Variants in GPC6 observed in about 807,000 individuals in gnomAD.
The protein encoded by GPC6 is glypican-6.
Under a neutral mutation model 55.2 loss-of-function variants are expected in GPC6, and 14 were observed. The observed-to-expected ratio is 0.25, with a 90% CI of 0.17 to 0.40. The LOEUF (loss-of-function observed/expected upper bound fraction) is 0.40, where lower values mean the gene tolerates loss of function less well. GPC6 is among the 10% of genes least tolerant of loss of function. GPC6 has a pLI of 1.00. For synonymous variants in GPC6, 278 were observed against 259.6 expected, an observed-to-expected ratio of 1.07 and a Z score of -0.68; for missense variants, 641 against 708.5, an observed-to-expected ratio of 0.90 and a Z score of 1.08.
intron 4 of GPC6, among the ~76,000 whole-genome samples, chr13:94,258,261 G>A (rs557230146): frequency 6.6e-6 from 1 of 152,280 alleles, no homozygotes; most frequent in South Asian, 2.1e-4. Flanking sequence ...TTCTGACCAC[G>A]GAACAACTCC....
At chr13:93,808,152 C>G (rs951811315) in intron 2 of GPC6, among the ~76,000 whole-genome samples, 1 of 152,124 alleles carries the variant, frequency 6.6e-6, no homozygotes, top group African/African-American at 2.4e-5. Flanking sequence ...TTTTATTCAG[C>G]AAAGACTAGA....
At chr13:94,385,467 A>G (rs1478588044) in intron 7 of GPC6, among the ~76,000 whole-genome samples, 1 of 152,236 alleles carries the variant, frequency 6.6e-6, no homozygotes, top group Admixed American at 6.5e-5. Context: ...AAAATGATCC[A>G]GTTTAATGCA....
chr13:93,639,141 A>G (rs1879810866), intron 2 of GPC6, among the ~76,000 whole-genome samples: 1 of 152,142 alleles, frequency 6.6e-6, no homozygotes, highest in Non-Finnish European at 1.5e-5. Context: ...AAATAAAGCA[A>G]GGAGGGGTAA....
At chr13:93,472,699 T>C (rs979864155) in intron 1 of GPC6, among the ~76,000 whole-genome samples, 2 of 152,218 alleles carry the variant, frequency 1.3e-5, no homozygotes, top group African/African-American at 4.8e-5. Context: ...TTCTCTCCTC[T>C]CCTTCTCTTT....
At chr13:94,175,757 T>C (rs1888726187) in intron 4 of GPC6, among the ~76,000 whole-genome samples, 1 of 150,706 alleles carries the variant, frequency 6.6e-6, no homozygotes, top group Non-Finnish European at 1.5e-5. Context: ...ATAAGCATGA[T>C]ATTGAGCATC....
At chr13:94,186,538 C>T (rs1194479314) in intron 4 of GPC6, among the ~76,000 whole-genome samples, 1 of 152,108 alleles carries the variant, frequency 6.6e-6, no homozygotes, top group African/African-American at 2.4e-5. Context: ...TTTAGGGTCA[C>T]CGCAACAGAT....
chr13:93,704,775 A>G (rs1882788312), intron 2 of GPC6, among the ~76,000 whole-genome samples: 1 of 151,972 alleles, frequency 6.6e-6, no homozygotes, highest in Non-Finnish European at 1.5e-5. Context: ...ACAGCAGGAA[A>G]TGCTCAAATC....
rs201115783 is a variant in GPC6, at chr13:93,496,181, G to A, written c.161-49082G>A. Among the ~76,000 whole-genome samples the A allele has an allele frequency of 1.4e-4, 22 of 152,224 alleles. No individual in the cohort carries two copies. The East Asian group carries it at 2.1e-3, about 15-fold the overall frequency. ...CTGTGCTAGCAATCAGCGAGAGTCCGTGGGCGTAGGACCCTCCGAGCCAGG... is the reference window on the plus strand; with the variant it reads ...CTGTGCTAGCAATCAGCGAGAGTCCATGGGCGTAGGACCCTCCGAGCCAGG... On this transcript the variant is annotated intron_variant, in intron 1 of 8. Coordinates refer to ENST00000377047, the MANE Select transcript of GPC6 (RefSeq NM_005708.5).
intron 1 of GPC6, among the ~76,000 whole-genome samples, chr13:93,339,210 T>G (rs1440731135): frequency 6.6e-6 from 1 of 152,204 alleles, no homozygotes; most frequent in Non-Finnish European, 1.5e-5. Flanking sequence ...CTCTATCTGA[T>G]GGTCTTTAAA....
chr13:94,062,831 C>A (rs1348264311), intron 4 of GPC6, among the ~76,000 whole-genome samples: 1 of 152,120 alleles, frequency 6.6e-6, no homozygotes, highest in Non-Finnish European at 1.5e-5. Flanking sequence ...TCACTCAGTA[C>A]CTTACATATA....
In GPC6 at chr13:94,404,521, C is replaced by G. The variant is rs1204065430; in HGVS notation, c.*1304C>G. 1 of 152,132 alleles carries G rather than the reference C, an allele frequency of 6.6e-6. No individual in the cohort carries two copies. Among genetic ancestry groups the G allele is most frequent in the Non-Finnish European group, 1.5e-5 (1 of 68,010 alleles). The allele number at this position is 152,132 out of a possible 1,614,324, so 9.4% of individuals were successfully genotyped here. A position where few individuals can be genotyped will look rare whatever the true frequency, so the allele number is the denominator to read the frequency against. On this transcript the variant is annotated 3_prime_UTR_variant, in exon 9 of 9. Coordinates refer to ENST00000377047, the MANE Select transcript of GPC6 (RefSeq NM_005708.5). ...AAGGGATTCCTCAGTGATCGGTGAG[C>G]ACCAAGAATCAAGAAAGAGAACTTT...
rs187764510 is a variant in GPC6, at chr13:93,242,077, C to T, written c.160+14461C>T. On this transcript the variant is annotated intron_variant, in intron 1 of 8. Transcript: ENST00000377047. ...CTTATTTTATTCCTCTTGATGTGTA[C>T]TTTTTTCCCCAGTATTTTTTCAGTG... Among the ~76,000 whole-genome samples, 1,112 of 152,164 alleles carry T rather than the reference C, an allele frequency of 7.3e-3. 14 individuals are homozygous for T. The highest frequency in any genetic ancestry group is 0.025 in the African/African-American group (1,039 of 41,522).
intron 1 of GPC6, among the ~76,000 whole-genome samples, chr13:93,274,745 C>T (rs952737058): frequency 6.6e-6 from 1 of 152,098 alleles, no homozygotes; most frequent in Non-Finnish European, 1.5e-5. Flanking sequence ...TATGAAATAT[C>T]GCTTTCGTAA....
At chr13:94,386,263 G>T (rs529153387) in intron 7 of GPC6, among the ~76,000 whole-genome samples, 10 of 152,248 alleles carry the variant, frequency 6.6e-5, no homozygotes, top group African/African-American at 2.4e-4. Flanking sequence ...GGGAGGCTGA[G>T]GCAGGAGAAT....
intron 1 of GPC6, among the ~76,000 whole-genome samples, chr13:93,305,920 A>G (rs1210422133): frequency 1.3e-5 from 2 of 152,232 alleles, no homozygotes; most frequent in South Asian, 2.1e-4. Flanking sequence ...ACTATATTAG[A>G]AAATAAAATA....
intron 4 of GPC6, among the ~76,000 whole-genome samples, chr13:94,049,294 C>T (rs1594694801): frequency 6.6e-6 from 1 of 151,350 alleles, no homozygotes; most frequent in African/African-American, 2.4e-5. Context: ...ACTATCTCCT[C>T]CCTCCTCCCC....
intron 2 of GPC6, among the ~76,000 whole-genome samples, chr13:93,672,270 G>C (rs1881392287): frequency 6.6e-6 from 1 of 150,840 alleles, no homozygotes; most frequent in South Asian, 2.1e-4. Flanking sequence ...ATATGTTTAA[G>C]AGAAATTCCA....
At chr13:94,008,480 GAC>G (rs1259075497) in intron 3 of GPC6, among the ~76,000 whole-genome samples, 4 of 152,060 alleles carry the variant, frequency 2.6e-5, no homozygotes, top group Admixed American at 6.6e-5. Flanking sequence ...CATGATTGGT[GAC>G]ACCCTGTCTC....
intron 4 of GPC6, among the ~76,000 whole-genome samples, chr13:94,157,735 G>A (rs539604200): frequency 6.6e-6 from 1 of 152,312 alleles, no homozygotes; most frequent in Admixed American, 6.5e-5. Flanking sequence ...CCTAACAGCA[G>A]TGTGCACACT....
Sources: gnomAD v4.1 joint callset for allele counts (sites outside exome capture counted in the v4.1 genomes callset) on GRCh38, gnomAD v4.1.1 for gene constraint, MANE v1.5 for transcripts, NCBI Gene and HGNC (gene_info 2026-07-23, HGNC 2026-07-21) for gene names.